Variants in RYR3 observed in about 807,000 individuals in gnomAD.
RYR3 encodes the protein brain ryanodine receptor-calcium release channel.
A neutral mutation model predicts 584.3 loss-of-function variants in RYR3; 207 were observed. That is an observed-to-expected ratio of 0.35 (90% confidence interval 0.32 to 0.40). The LOEUF (loss-of-function observed/expected upper bound fraction) is 0.40, where lower values mean the gene tolerates loss of function less well. Ranked by LOEUF, RYR3 falls within the 10% of genes least tolerant of loss-of-function variation. The probability of loss-of-function intolerance (pLI) is 1.00; values close to 1 mark genes in which losing one functional copy is unlikely to be tolerated. For synonymous variants in RYR3, 2,416 were observed against 2,248.5 expected, an observed-to-expected ratio of 1.07 and a Z score of -2.11; for missense variants, 5,616 against 6,089.2, an observed-to-expected ratio of 0.92 and a Z score of 2.59.
intron 12 of RYR3, among the ~76,000 whole-genome samples, chr15:33,570,881 T>C (rs1273524841): frequency 6.6e-6 from 1 of 152,214 alleles, no homozygotes; most frequent in Non-Finnish European, 1.5e-5. Flanking sequence ...TTCTGGTATA[T>C]AGAAATTAAG....
chr15:33,519,485 A>G (rs1413527319), intron 3 of RYR3, among the ~76,000 whole-genome samples: 2 of 152,168 alleles, frequency 1.3e-5, no homozygotes, highest in African/African-American at 4.8e-5. Context: ...TGCATGCATC[A>G]TACATGAAGG....
intron 10 of RYR3, among the ~76,000 whole-genome samples, chr15:33,551,996 G>A (rs1207667424): frequency 6.6e-6 from 1 of 152,204 alleles, no homozygotes; most frequent in Non-Finnish European, 1.5e-5. Context: ...GACCAAGCAA[G>A]TGTTTTCCTA....
At chr15:33,439,586 G>A (rs1223472455) in intron 1 of RYR3, among the ~76,000 whole-genome samples, 1 of 152,056 alleles carries the variant, frequency 6.6e-6, no homozygotes, top group Admixed American at 6.5e-5. Flanking sequence ...AATTAGTTAT[G>A]GAGTATTTCC....
At chr15:33,705,664 T>A (rs776411704) in intron 42 of RYR3, among the ~76,000 whole-genome samples, 12 of 152,208 alleles carry the variant, frequency 7.9e-5, no homozygotes, top group Non-Finnish European at 1.8e-4. Context: ...TCTGGTAACC[T>A]GGAAGCAAAG....
chr15:33,517,523 A>G (rs570093949), intron 3 of RYR3, among the ~76,000 whole-genome samples: 3 of 152,264 alleles, frequency 2.0e-5, no homozygotes, highest in Admixed American at 6.5e-5. Context: ...AAAATACCCA[A>G]TGTGTTCCAA....
chr15:33,844,000 C>T (rs759704046), intron 92 of RYR3, among the ~76,000 whole-genome samples: 1 of 152,188 alleles, frequency 6.6e-6, no homozygotes, highest in Non-Finnish European at 1.5e-5. Flanking sequence ...AGAGAGGGGA[C>T]TGCTCAAGTT....
chr15:33,560,955 C>T (rs1370244742), intron 10 of RYR3, among the ~76,000 whole-genome samples: 1 of 151,800 alleles, frequency 6.6e-6, no homozygotes, highest in Non-Finnish European at 1.5e-5. Flanking sequence ...TTTCAACACA[C>T]ACATTTAAAA....
rs559818915 is a variant in RYR3, at chr15:33,635,399, G to T, written c.3176-215G>T. 4.3e-4 allele frequency among the ~76,000 whole-genome samples: 66 copies of T among 152,308 alleles called. No individual in the cohort carries two copies. The South Asian group carries it at 0.013, about 31-fold the overall frequency. ...GAAAACTGAGAAGTGGTCTCTAAAGGATCTACTATGAAGCAATCCCTCAGT... is the reference window on the plus strand; with the variant it reads ...GAAAACTGAGAAGTGGTCTCTAAAGTATCTACTATGAAGCAATCCCTCAGT... On this transcript the variant is annotated intron_variant, in intron 25 of 103. Transcript: ENST00000634891.
intron 36 of RYR3, among the ~76,000 whole-genome samples, chr15:33,664,587 G>GTATATATA (rs879709155): frequency 4.0e-4 from 17 of 42,636 alleles, no homozygotes; most frequent in African/African-American, 1.3e-3. Flanking sequence ...GTGTGTGTGT[G>GTATATATA]TGTATATATA....
In RYR3 at chr15:33,863,033, G is replaced by A. The variant is rs140384121; in HGVS notation, c.14466-1105G>A. 4.3e-3 allele frequency among the ~76,000 whole-genome samples: 659 copies of A among 152,278 alleles called. 3 individuals carry two copies. The highest frequency in any genetic ancestry group is 7.2e-3 in the Non-Finnish European group (492 of 68,008). ...TGGAGGTTAATGAGCCCATGGCCACGTGTCTGTACCCATGGGTTATAGACC... is the reference window on the plus strand; with the variant it reads ...TGGAGGTTAATGAGCCCATGGCCACATGTCTGTACCCATGGGTTATAGACC... On this transcript the variant is annotated intron_variant, in intron 102 of 103. Coordinates refer to ENST00000634891, the MANE Select transcript of RYR3 (RefSeq NM_001036.6).
At chr15:33,677,684 G>A (rs1041922436) in intron 38 of RYR3, among the ~76,000 whole-genome samples, 1 of 152,202 alleles carries the variant, frequency 6.6e-6, no homozygotes, top group African/African-American at 2.4e-5. Context: ...TGTCTGGCTA[G>A]GGAAGCAGTT....
chr15:33,699,605 A>G, intron 40 of RYR3, 99 bp from the exon 41 acceptor site: 1 of 1,062,654 alleles, frequency 9.4e-7, no homozygotes, highest in Non-Finnish European at 1.3e-6. Context: ...CATTTTTCCA[A>G]GTGTTCACAC....
intron 1 of RYR3, among the ~76,000 whole-genome samples, chr15:33,341,286 G>A (rs746452232): frequency 3.9e-5 from 6 of 151,960 alleles, no homozygotes; most frequent in Non-Finnish European, 8.8e-5. Flanking sequence ...TGACCCACCC[G>A]CGTCAGCCTC....
chr15:33,554,922 A>G (rs1383740931), intron 10 of RYR3, among the ~76,000 whole-genome samples: 4 of 152,190 alleles, frequency 2.6e-5, no homozygotes, highest in African/African-American at 9.7e-5. Flanking sequence ...CCATATATAT[A>G]GCCGCTTTTT....
At chr15:33,839,961 T>C (rs1045034382) in intron 89 of RYR3, among the ~76,000 whole-genome samples, 2 of 152,210 alleles carry the variant, frequency 1.3e-5, no homozygotes, top group Non-Finnish European at 2.9e-5. Context: ...GCCTGTGTTC[T>C]AGGATACAGG....
intron 57 of RYR3, among the ~76,000 whole-genome samples, chr15:33,752,328 C>T (rs1490218916): frequency 6.6e-6 from 1 of 152,096 alleles, no homozygotes; most frequent in Admixed American, 6.6e-5. Flanking sequence ...GGCAGTATGG[C>T]CATTTTCTCA....
At position 33,865,882 on chromosome 15, in the gene RYR3, CT is replaced by C. The variant is rs1890352588; in HGVS notation, c.*658del. The C allele has an allele frequency of 6.6e-6, 1 of 152,496 alleles. No homozygotes were observed. The highest frequency in any genetic ancestry group is 6.6e-5 in the Admixed American group (1 of 15,252). The allele number at this position is 152,496 out of a possible 1,614,324, so 9.4% of individuals were successfully genotyped here. A position where few individuals can be genotyped will look rare whatever the true frequency, so the allele number is the denominator to read the frequency against. On this transcript the variant is annotated 3_prime_UTR_variant, in exon 104 of 104. Coordinates refer to ENST00000634891, the MANE Select transcript of RYR3 (RefSeq NM_001036.6). ...TTCCGTCTTACTTTATGAAACTGCA[CT>C]TGAAGGTTATTCATACAAGTTTTTT...
intron 36 of RYR3, among the ~76,000 whole-genome samples, chr15:33,667,245 G>A (rs894804119): frequency 3.3e-5 from 5 of 152,192 alleles, no homozygotes; most frequent in African/African-American, 1.2e-4. Flanking sequence ...TATCCTGGCT[G>A]AGGCAGCAAA....
chr15:33,748,372 G>T (rs2152846134), intron 54 of RYR3, 96 bp from the exon 55 acceptor site: 1 of 1,533,602 alleles, frequency 6.5e-7, no homozygotes, highest in Non-Finnish European at 9.0e-7. Flanking sequence ...ACCCTGGGGA[G>T]TTTTCAGGAC....
Sources: gnomAD v4.1 joint callset for allele counts (sites outside exome capture counted in the v4.1 genomes callset) on GRCh38, gnomAD v4.1.1 for gene constraint, MANE v1.5 for transcripts, NCBI Gene and HGNC (gene_info 2026-07-23, HGNC 2026-07-21) for gene names.